Variants in UTRN observed in about 807,000 individuals in gnomAD.
UTRN encodes dystrophin-related protein 1.
Under a neutral mutation model 463.9 loss-of-function variants are expected in UTRN, and 283 were observed. The observed-to-expected ratio is 0.61, with a 90% confidence interval of 0.55 to 0.67. The LOEUF is 0.67. UTRN is among the 30% of genes least tolerant of loss of function. The probability of loss-of-function intolerance (pLI) is 0.00; values close to 1 mark genes in which losing one functional copy is unlikely to be tolerated. For synonymous variants in UTRN, 1,442 were observed against 1,431.5 expected, an observed-to-expected ratio of 1.01 and a Z score of -0.17; for missense variants, 3,922 against 4,084.3, an observed-to-expected ratio of 0.96 and a Z score of 1.08.
At chr6:144,369,771 T>C (rs112785479) in intron 2 of UTRN, among the ~76,000 whole-genome samples, 20,324 of 152,158 alleles carry the variant, frequency 0.13, 4,093 homozygotes, top group African/African-American at 0.43. Context: ...GTAATTGAAT[T>C]ATGAGGGCAG....
rs780453700 is a variant in UTRN, at chr6:144,459,271, T to C, written c.2624T>C (p.Val875Ala). 1 of 1,614,120 alleles carries C rather than the reference T, an allele frequency of 6.2e-7. No individual in the cohort carries two copies. Among genetic ancestry groups the C allele is most frequent in the East Asian group, 2.2e-5 (1 of 44,874 alleles). Residue 875 changes from valine to alanine, a missense_variant, in exon 21 of 75, where the codon GTC (valine) becomes GCC (alanine). By Grantham distance (64) the Val-to-Ala change is moderately conservative. Transcript: ENST00000367545. ...TCTCAGCCTTCTGCCCCAGATTTTG[T>C]CCAGCGGGGCTTCGATAGCTTTCTG... ...LMSQPSAPDF[V>A]QRGFDSFLGR...
chr6:144,524,835 T>C (rs1448264072), intron 41 of UTRN, among the ~76,000 whole-genome samples: 2 of 152,202 alleles, frequency 1.3e-5, no homozygotes, highest in South Asian at 2.1e-4. Context: ...CTAAAAGTCA[T>C]AGATGGCTTT....
Position 144,667,050 on chromosome 6 carries a change from T to C in UTRN, c.7480-11356T>C, listed in dbSNP as rs200558509. Reference sequence around the variant, plus strand: ...TCCTCCTCCTCCTCCTCCTCCTCCTTCTACTTCTTCTTCTTCTTCTTTTAG... The same window carrying C: ...TCCTCCTCCTCCTCCTCCTCCTCCTCCTACTTCTTCTTCTTCTTCTTTTAG... On this transcript the variant is annotated intron_variant, in intron 51 of 74. Transcript: ENST00000367545. Among the ~76,000 whole-genome samples the C allele has an allele frequency of 6.2e-5, 9 of 145,918 alleles. No homozygotes were observed. The South Asian group carries it at 1.1e-3, about 18-fold the overall frequency.
At position 144,542,861 on chromosome 6, in the gene UTRN, A is replaced by G; in HGVS notation, c.6586A>G (p.Arg2196Gly). Reference sequence around the variant, plus strand: ...GGAGCCCAGTTCTGTTTCACAGACAAGGATTGCTGGTAAGATATGTTTATC... The same window carrying G: ...GGAGCCCAGTTCTGTTTCACAGACAGGGATTGCTGGTAAGATATGTTTATC... The part of the protein sequence containing the change: ...IQEPSSVSQT[R>G]IAAHPNVQKV... Residue 2196 changes from arginine to glycine, a missense_variant, in exon 46 of 75, where the codon AGG becomes GGG. Arg to Gly is a moderately radical substitution (Grantham distance 125). Transcript: ENST00000367545. 1 of 1,612,758 alleles carries G rather than the reference A, an allele frequency of 6.2e-7. No homozygotes were observed.
intron 71 of UTRN, 176 bp from the exon 72 acceptor site, chr6:144,838,997 G>A: frequency 1.9e-6 from 1 of 528,216 alleles, no homozygotes; most frequent in Non-Finnish European, 3.4e-6. Context: ...CAAGCGGAAA[G>A]AGAAGGACCA....
At chr6:144,833,570 C>T (rs181567505) in intron 69 of UTRN, among the ~76,000 whole-genome samples, 70 of 152,308 alleles carry the variant, frequency 4.6e-4, no homozygotes, top group Non-Finnish European at 7.1e-4. Flanking sequence ...GAAATATTTA[C>T]AGGATGTTCT....
intron 53 of UTRN, among the ~76,000 whole-genome samples, chr6:144,711,068 A>C (rs1785636653): frequency 6.6e-6 from 1 of 152,220 alleles, no homozygotes; most frequent in South Asian, 2.1e-4. Flanking sequence ...CTGTAATCCC[A>C]GCACTTTGGG....
chr6:144,580,575 T>G (rs1221308123), intron 51 of UTRN, among the ~76,000 whole-genome samples: 1 of 152,174 alleles, frequency 6.6e-6, no homozygotes, highest in Non-Finnish European at 1.5e-5. Context: ...TATGTTTCAT[T>G]GCCCTGCTGC....
chr6:144,673,937 T>C (rs1046267672), intron 51 of UTRN, among the ~76,000 whole-genome samples: 3 of 152,168 alleles, frequency 2.0e-5, no homozygotes, highest in African/African-American at 7.2e-5. Context: ...TCTTGGCTGA[T>C]AGTTATTTTG....
At chr6:144,287,204 G>C (rs1803770884) in intron 1 of UTRN, among the ~76,000 whole-genome samples, 1 of 152,202 alleles carries the variant, frequency 6.6e-6, no homozygotes, top group Admixed American at 6.5e-5. Context: ...GTTCTGCGGT[G>C]ACGGACAGGG....
chr6:144,803,185 C>G, intron 65 of UTRN, 38 bp downstream of exon 65: 1 of 1,247,942 alleles, frequency 8.0e-7, no homozygotes, highest in Non-Finnish European at 1.1e-6. Context: ...TAATACATTG[C>G]CATTGAATTA....
At chr6:144,781,482 G>C (rs1337313648) in intron 60 of UTRN, among the ~76,000 whole-genome samples, 2 of 152,114 alleles carry the variant, frequency 1.3e-5, no homozygotes, top group Admixed American at 1.3e-4. Flanking sequence ...AATTAGTTTG[G>C]CTGTGATACA....
intron 50 of UTRN, among the ~76,000 whole-genome samples, chr6:144,565,051 A>G (rs777387301): frequency 6.6e-6 from 1 of 152,192 alleles, no homozygotes. Flanking sequence ...TTGTGGTCCA[A>G]CTGGGACATG....
At chr6:144,533,772 C>T (rs913492380) in intron 43 of UTRN, among the ~76,000 whole-genome samples, 1 of 151,294 alleles carries the variant, frequency 6.6e-6, no homozygotes, top group Non-Finnish European at 1.5e-5. Context: ...GATTATGTTA[C>T]AGTGACTCAG....
chr6:144,796,081 A>G (rs77953075), intron 63 of UTRN, among the ~76,000 whole-genome samples: 8,656 of 152,028 alleles, frequency 0.057, 621 homozygotes, highest in African/African-American at 0.17. Flanking sequence ...TCTTGAGTTA[A>G]TTTTTGTGTG....
chr6:144,747,751 A>G (rs1475293540), intron 54 of UTRN, among the ~76,000 whole-genome samples: 2 of 152,216 alleles, frequency 1.3e-5, no homozygotes, highest in African/African-American at 4.8e-5. Context: ...ATCACTATCT[A>G]AGGTATGTTA....
At chr6:144,420,924 C>T (rs1784781016) in intron 3 of UTRN, among the ~76,000 whole-genome samples, 1 of 152,176 alleles carries the variant, frequency 6.6e-6, no homozygotes, top group South Asian at 2.1e-4. Context: ...GAACATATGC[C>T]ATACTCAAGG....
At chr6:144,371,176 C>A (rs9321972) in intron 2 of UTRN, among the ~76,000 whole-genome samples, 1 of 152,104 alleles carries the variant, frequency 6.6e-6, no homozygotes, top group Admixed American at 6.6e-5. Flanking sequence ...CATTTACTAA[C>A]GTGAGTATTA....
intron 51 of UTRN, among the ~76,000 whole-genome samples, chr6:144,643,359 A>G (rs1777952551): frequency 6.6e-6 from 1 of 152,244 alleles, no homozygotes; most frequent in African/African-American, 2.4e-5. Flanking sequence ...TATCCAAAGT[A>G]TAAGTTAAGG....
Sources: gnomAD v4.1 joint callset for allele counts (sites outside exome capture counted in the v4.1 genomes callset) on GRCh38, gnomAD v4.1.1 for gene constraint, MANE v1.5 for transcripts, NCBI Gene and HGNC (gene_info 2026-07-23, HGNC 2026-07-21) for gene names.